Variants in MLC1 observed in about 807,000 individuals in gnomAD.
MLC1 encodes membrane protein MLC1.
In MLC1, 32 loss-of-function variants were observed where a neutral mutation model predicts 44.7. That is an observed-to-expected ratio of 0.72 (90% CI 0.54 to 0.96). The LOEUF is 0.96. Among genes scored for constraint, MLC1 ranks in the 40% least tolerant of loss-of-function variants. The pLI is 0.00. For missense variants in MLC1, 459 were observed against 492.2 expected (o/e 0.93, Z 0.64); for synonymous variants, 190 against 213.0 (o/e 0.89, Z 0.94).
intron 11 of MLC1, among the ~76,000 whole-genome samples, chr22:50,062,539 T>C (rs957676515): frequency 3.3e-5 from 5 of 149,344 alleles, no homozygotes; most frequent in Non-Finnish European, 5.9e-5. Flanking sequence ...GTAGGGAGGG[T>C]GGAGGGTGGG....
chr22:50,082,178 G>A (rs1054720640), intron 3 of MLC1, among the ~76,000 whole-genome samples: 3 of 93,006 alleles, frequency 3.2e-5, no homozygotes, highest in South Asian at 4.2e-4. Context: ...TGGGGTCCGC[G>A]GCTTGCGGGC....
chr22:50,079,788 C>T, intron 5 of MLC1, 130 bp downstream of exon 5: 1 of 780,964 alleles, frequency 1.3e-6, no homozygotes, highest in Non-Finnish European at 2.3e-6. Flanking sequence ...AATCTCTCAA[C>T]TTTAGTCAAA....
chr22:50,076,919 A>G lies in MLC1; in HGVS notation c.526-7T>C, dbSNP rs1240461123. 3 of 1,613,920 alleles carry G rather than the reference A, an allele frequency of 1.9e-6. No homozygotes were observed. Among genetic ancestry groups the G allele is most frequent in the South Asian group, 1.1e-5 (1 of 91,082 alleles). Reference sequence around the variant, plus strand: ...CGCTGTCAGACATGGAGCCCTACGAAGAAACAGAACTGTCACCCCGGGTGC... The same window carrying G: ...CGCTGTCAGACATGGAGCCCTACGAGGAAACAGAACTGTCACCCCGGGTGC... On this transcript the variant is annotated splice_polypyrimidine_tract_variant and splice_region_variant and intron_variant, in intron 6 of 11. Coordinates refer to ENST00000311597, the MANE Select transcript of MLC1 (RefSeq NM_015166.4).
intron 5 of MLC1, among the ~76,000 whole-genome samples, chr22:50,079,621 G>A (rs952097379): frequency 2.7e-5 from 4 of 148,160 alleles, no homozygotes; most frequent in African/African-American, 1.0e-4. Context: ...TTTGTTTAGA[G>A]GTGCATTGAA....
intron 9 of MLC1, 150 bp downstream of exon 9, chr22:50,070,377 A>G (rs2061821922): frequency 1.2e-6 from 1 of 815,644 alleles, no homozygotes; most frequent in African/African-American, 1.7e-5. Context: ...ACCTCCCACA[A>G]CCCCACCTTC....
rs575805979 is a variant in MLC1 at position 50,064,126 on chromosome 22, C to T, written c.967G>A (p.Ala323Thr). 2.4e-5 allele frequency: 38 copies of T among 1,609,542 alleles called. 1 individual carries two copies. In the East Asian group the frequency reaches 4.7e-4, roughly 20 times the overall value. ...LLQAGLNTGT[A>T]IQCVRFKVSA... ...ACCTTGAAGCGCACGCACTGGATGG[C>T]GGTGCCCGTGTTGAGGCCGGCCTGC... Residue 323 changes from alanine to threonine, a missense_variant, in exon 11 of 12, where the codon GCC becomes ACC. Ala to Thr is a moderately conservative substitution (Grantham distance 58, BLOSUM62 0). Coordinates refer to ENST00000311597, the MANE Select transcript of MLC1 (RefSeq NM_015166.4).
At chr22:50,075,522 C>T (rs1247915154) in intron 7 of MLC1, among the ~76,000 whole-genome samples, 1 of 152,062 alleles carries the variant, frequency 6.6e-6, no homozygotes, top group Non-Finnish European at 1.5e-5. Flanking sequence ...ACAGCCTGGC[C>T]AACATGGTAA....
intron 11 of MLC1, among the ~76,000 whole-genome samples, chr22:50,062,586 G>A (rs1314446154): frequency 6.6e-6 from 1 of 152,278 alleles, no homozygotes; most frequent in East Asian, 1.9e-4. Flanking sequence ...CCAAGGGCAA[G>A]AGAGCGTCCT....
intron 10 of MLC1, among the ~76,000 whole-genome samples, chr22:50,066,334 G>C (rs937890461): frequency 6.6e-6 from 1 of 151,734 alleles, no homozygotes; most frequent in Non-Finnish European, 1.5e-5. Context: ...CCCTGTCTCT[G>C]AAAAATAAAA....
Position 50,083,851 on chromosome 22 carries a change from G to C in MLC1, c.178-678C>G, listed in dbSNP as rs773221249. On this transcript the variant is annotated intron_variant, in intron 2 of 11. Coordinates refer to ENST00000311597, the MANE Select transcript of MLC1 (RefSeq NM_015166.4). The surrounding 1 kb of genome is among the most constrained non-coding windows in gnomAD (Gnocchi z 4.6). ...GGGGCAGAGGGGATCTGGCCTGGGC[G>C]GGGGAGGGGCTGCGACCAAGTCCAG... Among the ~76,000 whole-genome samples the C allele has an allele frequency of 1.3e-5, 2 of 152,164 alleles. No individual in the cohort carries two copies. Among genetic ancestry groups the C allele is most frequent in the African/African-American group, 4.8e-5 (2 of 41,436 alleles).
At position 50,079,864 on chromosome 22, in the gene MLC1, G is replaced by A. The variant is rs1370863939; in HGVS notation, c.423+54C>T. The A allele has an allele frequency of 4.8e-6, 6 of 1,248,624 alleles. No individual in the cohort carries two copies. The Admixed American group carries it at 8.4e-5, about 17-fold the overall frequency. The allele number at this position is 1,248,624 out of a possible 1,614,324, so 77.3% of individuals were successfully genotyped here. ...CAACAAACATTTGCTGACACCATTC[G>A]TGGGAGTGGGGCTGTGGGTGTCAGG... is the stretch of plus-strand genomic sequence containing the variant. On this transcript the variant is annotated intron_variant, in intron 5 of 11. Coordinates refer to ENST00000311597, the MANE Select transcript of MLC1 (RefSeq NM_015166.4).
In MLC1 at chr22:50,064,456, C is replaced by T. The variant is rs550846765; in HGVS notation, c.895-258G>A. On this transcript the variant is annotated intron_variant, in intron 10 of 11. Coordinates refer to ENST00000311597, the MANE Select transcript of MLC1 (RefSeq NM_015166.4). ...AAAGTGACCGAGCCACTGCCAGGCC[C>T]CGTGGACAGTGCTGGCTGCTAGTGG... 5.3e-5 allele frequency among the ~76,000 whole-genome samples: 8 copies of T among 152,362 alleles called. No homozygotes were observed. The East Asian group carries it at 1.5e-3, about 29-fold the overall frequency.
chr22:50,079,850 T>A, intron 5 of MLC1, 68 bp downstream of exon 5: 1 of 1,149,976 alleles, frequency 8.7e-7, no homozygotes, highest in Non-Finnish European at 1.3e-6. Context: ...AACAAACATT[T>A]GCTGACACCA....
chr22:50,081,035 A>AAGAAAGAAAGAAAGAAAGAAAG, intron 3 of MLC1, among the ~76,000 whole-genome samples: 1 of 148,218 alleles, frequency 6.7e-6, no homozygotes, highest in South Asian at 2.1e-4. Flanking sequence ...GAAAGAAAGA[A>AAGAAAGAAAGAAAGAAAGAAAG]AGAAAGAAAG....
At chr22:50,078,865 T>C (rs755081599) in intron 5 of MLC1, among the ~76,000 whole-genome samples, 23 of 152,314 alleles carry the variant, frequency 1.5e-4, no homozygotes, top group South Asian at 4.1e-4. Context: ...GGCTCCTTCC[T>C]GATCCTGAAG....
intron 11 of MLC1, among the ~76,000 whole-genome samples, chr22:50,063,212 C>A (rs934826243): frequency 6.6e-6 from 1 of 152,058 alleles, no homozygotes. Context: ...CGGTGGCTCA[C>A]GCCTGTAATT....
At chr22:50,070,677 G>T in intron 8 of MLC1, 94 bp from the exon 9 acceptor site, 1 of 1,336,564 alleles carries the variant, frequency 7.5e-7, no homozygotes, top group African/African-American at 1.5e-5. Context: ...CCTCCATGCA[G>T]GCTGCCTGGC....
intron 11 of MLC1, among the ~76,000 whole-genome samples, chr22:50,062,739 C>T (rs1196404629): frequency 6.6e-6 from 1 of 152,216 alleles, no homozygotes; most frequent in East Asian, 1.9e-4. Context: ...ACTCAGAGCC[C>T]CGCTGAGTGG....
At position 50,074,341 on chromosome 22, in the gene MLC1, G is replaced by A. The variant is rs200463656; in HGVS notation, c.598-9C>T. ...GCGATTACCTCGACGACCTGGAGGG[G>A]ACAGGACAGCATCGGCTCATAAGGA... On this transcript the variant is annotated splice_polypyrimidine_tract_variant and intron_variant, in intron 7 of 11. Coordinates refer to ENST00000311597, the MANE Select transcript of MLC1 (RefSeq NM_015166.4). 509 of 1,606,300 alleles carry A rather than the reference G, an allele frequency of 3.2e-4. No individual in the cohort carries two copies. The highest frequency in any genetic ancestry group is 5.0e-4 in the Middle Eastern group (3 of 6,046).
Sources: allele counts gnomAD v4.1 joint callset (sites outside exome capture counted in the v4.1 genomes callset), GRCh38; gene constraint gnomAD v4.1.1; non-coding constraint Gnocchi (gnomAD v3.1); transcripts MANE v1.5; gene names NCBI Gene and HGNC (gene_info 2026-07-23, HGNC 2026-07-21).